The following ADAMTS16 variants were observed in gnomAD, a reference collection of about 807,000 sequenced individuals.
ADAMTS16 encodes the protein A disintegrin and metalloproteinase with thrombospondin motifs 16.
In ADAMTS16, 94 loss-of-function variants were observed where a neutral mutation model predicts 145.8. The observed-to-expected ratio is 0.64, with a 90% confidence interval of 0.55 to 0.77. The LOEUF is 0.77. Ranked by LOEUF, ADAMTS16 falls within the 30% of genes least tolerant of loss-of-function variation. The pLI, the probability that ADAMTS16 is intolerant of heterozygous loss-of-function variation, is 0.00. For synonymous variants in ADAMTS16, 659 were observed against 604.3 expected, an observed-to-expected ratio of 1.09 and a Z score of -1.33; for missense variants, 1,585 against 1,591.5, an observed-to-expected ratio of 1.00 and a Z score of 0.07.
Position 5,200,251 on chromosome 5 carries a change from A to G in ADAMTS16, c.1433A>G (p.Tyr478Cys). 1 of 1,614,094 alleles carries G rather than the reference A, an allele frequency of 6.2e-7. No individual in the cohort carries two copies. The highest frequency in any genetic ancestry group is 8.5e-7 in the Non-Finnish European group (1 of 1,179,968). The change falls in exon 9 of 23, where the codon TAT becomes TGT. Residue 478 changes from tyrosine (Y) to cysteine (C), a missense_variant. By Grantham distance (194) the Tyr-to-Cys change is radical. This residue lies in a region of ADAMTS16 where 298 missense variants were observed against 367.6 expected (regional missense o/e 0.81). Coordinates refer to ENST00000274181, the MANE Select transcript of ADAMTS16 (RefSeq NM_139056.4). Reference protein sequence around the residue: ...VFSWSPCSRQYLHKFLSTAQA... With the variant: ...VFSWSPCSRQCLHKFLSTAQA... ...TCCTGGTCACCCTGCAGCCGCCAGT[A>G]TCTACACAAATTTCTAAGGTAGGAA...
chr5:5,230,539 G>A (rs1736891408), intron 11 of ADAMTS16, among the ~76,000 whole-genome samples: 1 of 152,160 alleles, frequency 6.6e-6, no homozygotes, highest in Non-Finnish European at 1.5e-5. Context: ...AAGCATTTAT[G>A]TGAAATGAGA....
chr5:5,305,077 ACAC>A (rs1406657332), intron 20 of ADAMTS16, among the ~76,000 whole-genome samples: 1 of 74,474 alleles, frequency 1.3e-5, no homozygotes, highest in Non-Finnish European at 2.8e-5. Context: ...ACACACACAC[ACAC>A]ATCCCACACC....
At chr5:5,235,217 C>T (rs1393933793) in intron 13 of ADAMTS16, 31 bp downstream of exon 13, 1 of 1,520,056 alleles carries the variant, frequency 6.6e-7, no homozygotes, top group Non-Finnish European at 8.9e-7. Context: ...GGGTAATAGC[C>T]TCATGCTTTA....
chr5:5,157,202 TA>T (rs1734625147), intron 3 of ADAMTS16, among the ~76,000 whole-genome samples: 1 of 152,048 alleles, frequency 6.6e-6, no homozygotes, highest in African/African-American at 2.4e-5. Flanking sequence ...GTATCTTCTA[TA>T]ATTTCACAGA....
At chr5:5,250,923 T>C (rs1737604506) in intron 17 of ADAMTS16, among the ~76,000 whole-genome samples, 1 of 152,102 alleles carries the variant, frequency 6.6e-6, no homozygotes, top group African/African-American at 2.4e-5. Flanking sequence ...GCCTTTGGAT[T>C]CAGAGTCCTC....
At chr5:5,181,972 C>T (rs1735350258) in intron 3 of ADAMTS16, 72 bp from the exon 4 acceptor site, 16 of 1,478,360 alleles carry the variant, frequency 1.1e-5, no homozygotes, top group Non-Finnish European at 1.3e-5. Context: ...AAATGCAATG[C>T]TTGGAGAATC....
intron 3 of ADAMTS16, among the ~76,000 whole-genome samples, chr5:5,171,420 G>T (rs540668633): frequency 6.6e-6 from 1 of 152,172 alleles, no homozygotes; most frequent in Non-Finnish European, 1.5e-5. Flanking sequence ...GCTGTATATG[G>T]CTTTTATTGT....
chr5:5,187,010 A>T (rs1735520728), intron 5 of ADAMTS16, among the ~76,000 whole-genome samples: 5 of 152,144 alleles, frequency 3.3e-5, no homozygotes, highest in Non-Finnish European at 1.5e-5. Context: ...GAACCACTAG[A>T]TTTCTGGGCT....
intron 18 of ADAMTS16, among the ~76,000 whole-genome samples, chr5:5,294,187 T>C (rs1341965083): frequency 3.3e-5 from 5 of 152,244 alleles, no homozygotes; most frequent in Non-Finnish European, 7.3e-5. Flanking sequence ...AGGGATCTTG[T>C]ATTGGAGTTC....
In ADAMTS16 at chr5:5,180,571, C is replaced by T. The variant is rs114220141; in HGVS notation, c.502-1473C>T. Among the ~76,000 whole-genome samples the T allele has an allele frequency of 2.6e-3, 390 of 152,248 alleles. 2 individuals are homozygous for T. Among genetic ancestry groups the T allele is most frequent in the Middle Eastern group, 0.01 (3 of 294 alleles). On this transcript the variant is annotated intron_variant, in intron 3 of 22. Coordinates refer to ENST00000274181, the MANE Select transcript of ADAMTS16 (RefSeq NM_139056.4). ...TTCCCCCTGAAGATGGTTATTGTTCCAACATCAACAATTTCTCTTCAGTCA... is the reference window on the plus strand; with the variant it reads ...TTCCCCCTGAAGATGGTTATTGTTCTAACATCAACAATTTCTCTTCAGTCA...
intron 10 of ADAMTS16, among the ~76,000 whole-genome samples, chr5:5,209,868 GT>G (rs1736228549): frequency 6.6e-6 from 1 of 152,110 alleles, no homozygotes; most frequent in Admixed American, 6.5e-5. Context: ...TTAAATAAAA[GT>G]AACTATTTTT....
chr5:5,159,431 A>G (rs966640464), intron 3 of ADAMTS16, among the ~76,000 whole-genome samples: 2 of 152,194 alleles, frequency 1.3e-5, no homozygotes, highest in South Asian at 2.1e-4. Context: ...GAGTAACAAC[A>G]TATGAAAGCC....
At chr5:5,155,700 G>A (rs1734583945) in intron 3 of ADAMTS16, among the ~76,000 whole-genome samples, 1 of 152,110 alleles carries the variant, frequency 6.6e-6, no homozygotes, top group Non-Finnish European at 1.5e-5. Context: ...CAACTGGAAT[G>A]ATCTGCCACA....
chr5:5,213,530 T>C (rs1736333176), intron 10 of ADAMTS16, among the ~76,000 whole-genome samples: 1 of 152,244 alleles, frequency 6.6e-6, no homozygotes, highest in Non-Finnish European at 1.5e-5. Context: ...TTATTTTATG[T>C]TATAGATACT....
chr5:5,239,155 T>C lies in ADAMTS16; in HGVS notation c.2159T>C (p.Val720Ala). The C allele has an allele frequency of 1.3e-6, 2 of 1,550,320 alleles. No homozygotes were observed. The highest frequency in any genetic ancestry group is 1.7e-6 in the Non-Finnish European group (2 of 1,150,760). ...GTGACCTCATGGGCCCTCCAGAGAG[T>C]TGGATGTGACAATGTCCTTGGATCT... ...NVCIDGICER[V>A]GCDNVLGSDA... The change falls in exon 15 of 23, where the codon GTT becomes GCT. Residue 720 changes from valine (V) to alanine (A), a missense_variant. Around this residue, in one of 3 missense-constraint regions of ADAMTS16, gnomAD observed 834 missense variants for 811.7 expected, o/e 1.03. Transcript: ENST00000274181.
chr5:5,265,302 G>C (rs145529849), intron 18 of ADAMTS16, among the ~76,000 whole-genome samples: 1 of 152,210 alleles, frequency 6.6e-6, no homozygotes, highest in Non-Finnish European at 1.5e-5. Context: ...ACTCACCTTC[G>C]ATCAGCAGAG....
At chr5:5,194,146 C>T (rs528064358) in intron 8 of ADAMTS16, among the ~76,000 whole-genome samples, 2 of 152,040 alleles carry the variant, frequency 1.3e-5, no homozygotes, top group Admixed American at 1.3e-4. Context: ...AAGGAGAGTC[C>T]CATTGCTAAT....
At chr5:5,189,913 ATTATAACATGT>A (rs1735610989) in intron 6 of ADAMTS16, 47 bp from the exon 7 acceptor site, 1 of 1,595,948 alleles carries the variant, frequency 6.3e-7, no homozygotes, top group Non-Finnish European at 8.5e-7. Flanking sequence ...ATGACAATGC[ATTATAACATGT>A]TTTCTCTTCA....
intron 3 of ADAMTS16, among the ~76,000 whole-genome samples, chr5:5,151,611 ACACACACACACAATG>A (rs1734460258): frequency 6.7e-6 from 1 of 149,768 alleles, no homozygotes; most frequent in Non-Finnish European, 1.5e-5. Context: ...ACACACACGC[ACACACACACACAATG>A]AGAAGATTAC....
Sources: gnomAD v4.1 joint callset for allele counts (sites outside exome capture counted in the v4.1 genomes callset) on GRCh38, gnomAD v4.1.1 for gene constraint, gnomAD v4.1.1 regional missense constraint, MANE v1.5 for transcripts, NCBI Gene and HGNC (gene_info 2026-07-23, HGNC 2026-07-21) for gene names.